The following PIK3C2B variants were observed in gnomAD, a reference collection of about 807,000 sequenced individuals.
PIK3C2B encodes phosphatidylinositol 4-phosphate 3-kinase C2 domain-containing subunit beta.
In PIK3C2B, 83 loss-of-function variants were observed where a neutral mutation model predicts 184.3. That is an observed-to-expected ratio of 0.45 (90% CI 0.38 to 0.54). The LOEUF is 0.54. Among genes scored for constraint, PIK3C2B ranks in the 20% least tolerant of loss-of-function variants. The pLI is 0.00. For synonymous variants in PIK3C2B, 779 were observed against 837.6 expected, an observed-to-expected ratio of 0.93 and a Z score of 1.21; for missense variants, 1,736 against 2,113.5, an observed-to-expected ratio of 0.82 and a Z score of 3.50.
chr1:204,455,995 T>C lies in PIK3C2B; in HGVS notation c.1804A>G (p.Asn602Asp). Residue 602 changes from asparagine (N) to aspartate (D), a missense_variant, in exon 11 of 33, where the codon AAC becomes GAC. Coordinates refer to ENST00000684373, the MANE Select transcript of PIK3C2B (RefSeq NM_001377334.1). ...GTCTGGAAGTCTGCGTTGAATGTGT[T>C]GCAGTACAGCTCCACCAGGTCCAAG... Reference protein sequence around the residue: ...AILDLVELYCNTFNADFQTAV... With the variant: ...AILDLVELYCDTFNADFQTAV... 2 of 1,614,164 alleles carry C rather than the reference T, an allele frequency of 1.2e-6. No individual in the cohort carries two copies. Among genetic ancestry groups the C allele is most frequent in the Non-Finnish European group, 1.7e-6 (2 of 1,180,008 alleles).
chr1:204,445,739 T>C (rs1372881026), intron 16 of PIK3C2B, among the ~76,000 whole-genome samples: 1 of 152,330 alleles, frequency 6.6e-6, no homozygotes, highest in Admixed American at 6.5e-5. Context: ...GGGTATTCAC[T>C]GTACAATTTT....
In PIK3C2B at chr1:204,457,027, G is replaced by A; in HGVS notation, c.1747+10C>T. On this transcript the variant is annotated intron_variant, in intron 10 of 32. Transcript: ENST00000684373. ...CCCGACTGGATGAAGATGGAGAGCA[G>A]TTCCCTTACCTCGGTTTTCCCTCAC... is the stretch of plus-strand genomic sequence containing the variant. 6 of 1,565,330 alleles carry A rather than the reference G, an allele frequency of 3.8e-6. No individual in the cohort carries two copies. Among genetic ancestry groups the A allele is most frequent in the Non-Finnish European group, 5.2e-6 (6 of 1,153,360 alleles).
chr1:204,449,405 A>G (rs965927583), intron 13 of PIK3C2B, 109 bp from the exon 14 acceptor site: 32 of 776,926 alleles, frequency 4.1e-5, no homozygotes, highest in Admixed American at 1.9e-4. Context: ...CCATCATCCA[A>G]CTCCCCTCTC....
chr1:204,452,585 C>A (rs1262065347), intron 12 of PIK3C2B, among the ~76,000 whole-genome samples: 1 of 151,422 alleles, frequency 6.6e-6, no homozygotes, highest in Non-Finnish European at 1.5e-5. Flanking sequence ...CTATCCTCTG[C>A]CTGCAAGGAG....
Position 204,461,993 on chromosome 1 carries a change from A to G in PIK3C2B, c.1311-1332T>C, listed in dbSNP as rs888344832. On this transcript the variant is annotated intron_variant, in intron 5 of 32. Transcript: ENST00000684373. ...TCCACCCCCATCCCAGGCAGTTGTC[A>G]TGTGTTGGGGGTCTGGGGGCTGGGC... Among the ~76,000 whole-genome samples the G allele has an allele frequency of 3.2e-4, 49 of 151,340 alleles. 1 individual carries two copies. Among genetic ancestry groups the G allele is most frequent in the Middle Eastern group, 3.4e-3 (1 of 290 alleles).
chr1:204,484,659 G>A (rs1657447389), intron 1 of PIK3C2B, among the ~76,000 whole-genome samples: 1 of 152,046 alleles, frequency 6.6e-6, no homozygotes, highest in Admixed American at 6.5e-5. Flanking sequence ...GCTTGAAACT[G>A]GGAGGTGGAA....
At chr1:204,426,167 C>T (rs1674730025) in intron 31 of PIK3C2B, among the ~76,000 whole-genome samples, 1 of 152,232 alleles carries the variant, frequency 6.6e-6, no homozygotes, top group Admixed American at 6.5e-5. Flanking sequence ...TAGTGATTCA[C>T]CCAGCCTGAT....
chr1:204,465,533 C>T (rs957418221), intron 2 of PIK3C2B, among the ~76,000 whole-genome samples: 6 of 152,262 alleles, frequency 3.9e-5, no homozygotes, highest in Non-Finnish European at 7.3e-5. Flanking sequence ...AGGCGAAGCT[C>T]TGGCTGAGAT....
At chr1:204,456,964 G>A (rs969647673) in intron 10 of PIK3C2B, 73 bp downstream of exon 10, 1 of 1,319,062 alleles carries the variant, frequency 7.6e-7, no homozygotes, top group Non-Finnish European at 1.1e-6. Flanking sequence ...GGCCCAGGCA[G>A]AAAAAGGAAT....
chr1:204,460,495 T>C, intron 6 of PIK3C2B, 55 bp downstream of exon 6: 1 of 1,554,630 alleles, frequency 6.4e-7, no homozygotes, highest in Non-Finnish European at 8.9e-7. Context: ...TTCTATATTG[T>C]ATTCCCATTC....
At chr1:204,483,922 G>A (rs1296670192) in intron 1 of PIK3C2B, among the ~76,000 whole-genome samples, 1 of 152,200 alleles carries the variant, frequency 6.6e-6, no homozygotes, top group Non-Finnish European at 1.5e-5. Context: ...TTCACTGACT[G>A]CTTAAGCTGG....
intron 1 of PIK3C2B, among the ~76,000 whole-genome samples, chr1:204,483,012 C>G (rs1558284802): frequency 6.6e-6 from 1 of 152,232 alleles, no homozygotes; most frequent in African/African-American, 2.4e-5. Context: ...GGTATGGACT[C>G]CCCATCCCTA....
At chr1:204,439,251 T>C (rs1450202301) in intron 22 of PIK3C2B, among the ~76,000 whole-genome samples, 180 bp from the exon 23 acceptor site, 1 of 152,190 alleles carries the variant, frequency 6.6e-6, no homozygotes, top group Non-Finnish European at 1.5e-5. Context: ...CATTTCCTAT[T>C]CCATACTGTG....
At position 204,447,645 on chromosome 1, in the gene PIK3C2B, C is replaced by G; in HGVS notation, c.2347-67G>C. 8.6e-7 allele frequency: 1 copy of G among 1,161,446 alleles called. No homozygotes were observed. Among genetic ancestry groups the G allele is most frequent in the Non-Finnish European group, 1.3e-6 (1 of 790,602 alleles). 71.9% of individuals were successfully genotyped at this position (1,161,446 alleles called of 1,614,324 possible). A position where few individuals can be genotyped will look rare whatever the true frequency, so the allele number is the denominator to read the frequency against. ...GCGTGTGTGGACTCCCAGCTTCTTT[C>G]TCTCACCCCAGCATTCCGGCCTTGT... On this transcript the variant is annotated intron_variant, in intron 14 of 32. Transcript: ENST00000684373. This position sits in a 1 kb window ranked among gnomAD's most constrained non-coding sequence, Gnocchi z 4.1.
chr1:204,423,447 CAA>C lies in PIK3C2B; in HGVS notation c.*1403_*1404del, dbSNP rs77919369. 32 of 103,898 alleles carry C rather than the reference CAA, an allele frequency of 3.1e-4. No homozygotes were observed. Among genetic ancestry groups the C allele is most frequent in the Admixed American group, 4.0e-4 (4 of 9,998 alleles). 6.4% of individuals were successfully genotyped at this position (103,898 alleles called of 1,614,324 possible). ...TGGCGACAGGGCGAGACTCCGTCTC[CAA>C]AAAAAAAAAAAAAAATCCATCTGGT... On this transcript the variant is annotated 3_prime_UTR_variant, in exon 33 of 33. Coordinates refer to ENST00000684373, the MANE Select transcript of PIK3C2B (RefSeq NM_001377334.1).
At chr1:204,461,056 G>A (rs1399670703) in intron 5 of PIK3C2B, among the ~76,000 whole-genome samples, 5 of 152,134 alleles carry the variant, frequency 3.3e-5, no homozygotes, top group Non-Finnish European at 7.4e-5. Context: ...GAAGAGACAT[G>A]TTGGAGTCCA....
At chr1:204,432,112 A>G in intron 27 of PIK3C2B, 88 bp downstream of exon 27, 1 of 1,185,552 alleles carries the variant, frequency 8.4e-7, no homozygotes, top group Non-Finnish European at 1.2e-6. Context: ...TCCTGTGCCC[A>G]CTGTGCAAGT....
intron 23 of PIK3C2B, among the ~76,000 whole-genome samples, chr1:204,437,606 A>C (rs976846042): frequency 2.0e-5 from 3 of 152,232 alleles, no homozygotes; most frequent in African/African-American, 7.2e-5. Context: ...AGCTGAACAA[A>C]ATCAATGGTA....
At chr1:204,473,228 C>T (rs190173757) in intron 1 of PIK3C2B, among the ~76,000 whole-genome samples, 13 of 152,320 alleles carry the variant, frequency 8.5e-5, no homozygotes, top group Admixed American at 8.5e-4. Flanking sequence ...CAGGTATAGG[C>T]ACAGGACCCT....
Sources: gnomAD v4.1 joint callset for allele counts (sites outside exome capture counted in the v4.1 genomes callset) on GRCh38, gnomAD v4.1.1 for gene constraint, Gnocchi (gnomAD v3.1) non-coding constraint, MANE v1.5 for transcripts, NCBI Gene and HGNC (gene_info 2026-07-23, HGNC 2026-07-21) for gene names.